SEC14L1: variants seen among roughly 807,000 people sequenced by gnomAD.
SEC14L1 encodes the protein SEC14 like lipid binding 1.
In SEC14L1, 48 loss-of-function variants were observed where a neutral mutation model predicts 85.3. The ratio of observed to expected loss-of-function variants is 0.56; its 90% CI spans 0.45 to 0.72. SEC14L1 has a LOEUF of 0.72. Ranked by LOEUF, SEC14L1 falls within the 30% of genes least tolerant of loss-of-function variation. The pLI is 0.00. For missense variants in SEC14L1, 682 were observed against 921.4 expected, an observed-to-expected ratio of 0.74 and a Z score of 3.36; for synonymous variants, 391 against 355.5, an observed-to-expected ratio of 1.10 and a Z score of -1.12.
intron 3 of SEC14L1, among the ~76,000 whole-genome samples, chr17:77,162,279 G>A (rs1014899604): frequency 6.6e-6 from 1 of 152,240 alleles, no homozygotes; most frequent in African/African-American, 2.4e-5. Flanking sequence ...TAATCCCACA[G>A]ATGGTAGCTT....
At chr17:77,182,041 G>A (rs1975061687) in intron 3 of SEC14L1, among the ~76,000 whole-genome samples, 1 of 152,076 alleles carries the variant, frequency 6.6e-6, no homozygotes, top group Admixed American at 6.6e-5. Flanking sequence ...TTCTTTCCAG[G>A]GTAAAACCAG....
intron 3 of SEC14L1, among the ~76,000 whole-genome samples, chr17:77,161,027 G>GA (rs1203371725): frequency 1.3e-5 from 2 of 152,226 alleles, no homozygotes; most frequent in African/African-American, 2.4e-5. Flanking sequence ...CAGTTTGAAA[G>GA]AAGCTGTGCC....
intron 4 of SEC14L1, 111 bp from the exon 5 acceptor site, chr17:77,191,070 G>C: frequency 2.0e-6 from 3 of 1,518,762 alleles, no homozygotes; most frequent in East Asian, 4.5e-5. Context: ...CGTCCTGGAG[G>C]GAGAGGGCGT....
chr17:77,123,530 G>A (rs1972359033), intron 3 of SEC14L1, among the ~76,000 whole-genome samples: 1 of 149,324 alleles, frequency 6.7e-6, no homozygotes, highest in Non-Finnish European at 1.5e-5. Context: ...TCCCACCTCA[G>A]CCTCCTACGT....
At chr17:77,125,182 A>G (rs941320371) in intron 3 of SEC14L1, among the ~76,000 whole-genome samples, 1 of 151,946 alleles carries the variant, frequency 6.6e-6, no homozygotes, top group African/African-American at 2.4e-5. Flanking sequence ...TTTTTAGTAG[A>G]GACTGGGTTT....
At chr17:77,123,197 T>C (rs1598252987) in intron 3 of SEC14L1, among the ~76,000 whole-genome samples, 1 of 150,218 alleles carries the variant, frequency 6.7e-6, no homozygotes. Flanking sequence ...CTACAGGTGC[T>C]CGCCACCATG....
chr17:77,198,883 T>G (rs1975961600), intron 8 of SEC14L1: 2 of 152,242 alleles, frequency 1.3e-5, no homozygotes, highest in Non-Finnish European at 2.9e-5. Context: ...TGAGATCTGT[T>G]AAATTATGAT....
At chr17:77,143,490 A>G in intron 2 of SEC14L1, 77 bp from the exon 3 acceptor site, 1 of 776,946 alleles carries the variant, frequency 1.3e-6, no homozygotes, top group Non-Finnish European at 2.2e-6. Flanking sequence ...AGAGTGTGGT[A>G]TGATGTGTCA....
Position 77,206,795 on chromosome 17 carries a change from G to A in SEC14L1, c.1409G>A (p.Gly470Asp). Residue 470 changes from glycine (G) to aspartate (D), a missense_variant, in exon 13 of 17, where the codon GGT (glycine) becomes GAT (aspartate). This residue lies in a region of SEC14L1 where 420 missense variants were observed against 619.5 expected (regional missense o/e 0.68). Coordinates refer to ENST00000436233, the MANE Select transcript of SEC14L1 (RefSeq NM_001143998.2). The surrounding 1 kb of genome is among the most constrained non-coding windows in gnomAD (Gnocchi z 4.3). ...FLIYAGNDYQGPGGLLDYIDK... is the reference protein window; with the variant it reads ...FLIYAGNDYQDPGGLLDYIDK... ...ATTTATGCAGGAAATGACTACCAGG[G>A]TCCTGGAGGCCTGCTGGATTACATC... 6.2e-7 allele frequency: 1 copy of A among 1,612,704 alleles called. No homozygotes were observed. Among genetic ancestry groups the A allele is most frequent in the Non-Finnish European group, 8.5e-7 (1 of 1,179,650 alleles).
upstream of SEC14L1, among the ~76,000 whole-genome samples, chr17:77,136,939 C>T (rs1349732798): frequency 5.5e-5 from 8 of 144,746 alleles, no homozygotes; most frequent in East Asian, 2.0e-4. Context: ...GACAGAGTTT[C>T]GCTCTTGTTG....
chr17:77,134,366 C>T (rs1219482545), intron 3 of SEC14L1, among the ~76,000 whole-genome samples: 1 of 151,942 alleles, frequency 6.6e-6, no homozygotes, highest in Non-Finnish European at 1.5e-5. Flanking sequence ...CCTACTGGCT[C>T]AGCCTCCCAA....
chr17:77,171,015 C>T (rs1974501357), intron 3 of SEC14L1, among the ~76,000 whole-genome samples: 1 of 152,168 alleles, frequency 6.6e-6, no homozygotes, highest in Admixed American at 6.5e-5. Context: ...TTAACATGGC[C>T]TACTGGGGGC....
chr17:77,141,430 C>T (rs1330113881), intron 1 of SEC14L1: 1 of 151,018 alleles, frequency 6.6e-6, no homozygotes, highest in Non-Finnish European at 1.5e-5. Context: ...AGTGCCCGCC[C>T]CTCTCTCCCG....
intron 3 of SEC14L1, among the ~76,000 whole-genome samples, chr17:77,132,366 G>A (rs1972638604): frequency 2.0e-5 from 3 of 152,014 alleles, no homozygotes; most frequent in Admixed American, 2.0e-4. Context: ...GCGATTACAG[G>A]CATGCACCAC....
intron 3 of SEC14L1, among the ~76,000 whole-genome samples, chr17:77,132,517 G>A (rs779515958): frequency 7.2e-5 from 11 of 152,188 alleles, no homozygotes; most frequent in Non-Finnish European, 1.5e-4. Flanking sequence ...GAGCCACTGC[G>A]CCTGGGCAAG....
rs528326373 is a variant in SEC14L1, at chr17:77,193,329, G to GT, written c.346-85dup. On this transcript the variant is annotated intron_variant, in intron 5 of 16. Transcript: ENST00000436233. ...TAGTAGCATTGTTAGTAACGTAAGT[G>GT]TTTTTTTCTGGTTACTGGTTAAACT... 13 of 1,287,694 alleles carry GT rather than the reference G, an allele frequency of 1.0e-5. No individual in the cohort carries two copies. In the Admixed American group the frequency reaches 2.0e-4, roughly 20 times the overall value. 79.8% of individuals were successfully genotyped at this position (1,287,694 alleles called of 1,614,324 possible).
In SEC14L1 at chr17:77,128,612, C is replaced by A. The variant is rs1366769680; in HGVS notation, c.-135-14034C>A. Among the ~76,000 whole-genome samples, 3 of 151,722 alleles carry A rather than the reference C, an allele frequency of 2.0e-5. No individual in the cohort carries two copies. In the East Asian group the frequency reaches 5.8e-4, roughly 29 times the overall value. On this transcript the variant is annotated intron_variant, in intron 3 of 19. Coordinates refer to the SEC14L1 transcript ENST00000392476. ...TAGCTGGGATTACAGGCACATGCCA[C>A]CAGGCCTGGCTAATTTTTGTATTTT...
At chr17:77,142,549 C>T (rs926234412) in intron 1 of SEC14L1, 97 bp from the exon 2 acceptor site, 1 of 138,104 alleles carries the variant, frequency 7.2e-6, no homozygotes, top group Non-Finnish European at 1.6e-5. Flanking sequence ...CAGAGAGACA[C>T]CCTGTCTCAA....
At chr17:77,157,283 A>G (rs970764108) in intron 3 of SEC14L1, among the ~76,000 whole-genome samples, 1 of 152,214 alleles carries the variant, frequency 6.6e-6, no homozygotes, top group African/African-American at 2.4e-5. Context: ...CTCTTCTCCA[A>G]ACACGTATTA....
Sources: allele counts gnomAD v4.1 joint callset (sites outside exome capture counted in the v4.1 genomes callset), GRCh38; gene constraint gnomAD v4.1.1; regional missense constraint gnomAD v4.1.1; non-coding constraint Gnocchi (gnomAD v3.1); transcripts MANE v1.5; gene names NCBI Gene and HGNC (gene_info 2026-07-23, HGNC 2026-07-21).